The following HEY1 variants were observed in gnomAD, a reference collection of about 807,000 sequenced individuals.
HEY1 encodes the protein hairy/enhancer-of-split related with YRPW motif protein 1.
A neutral mutation model predicts 28.7 loss-of-function variants in HEY1; 9 were observed. That is an observed-to-expected ratio of 0.31 (90% CI 0.19 to 0.55). The LOEUF is 0.55. HEY1 is among the 20% of genes least tolerant of loss of function. The pLI is 0.93. For synonymous variants in HEY1, 213 were observed against 175.6 expected (o/e 1.21, Z -1.68); for missense variants, 385 against 399.4 (o/e 0.96, Z 0.31).
In HEY1 at chr8:79,764,172, G is replaced by A. The variant is rs776225110; in HGVS notation, c.*1016C>T. ...AAATAAATCAAAGAGAAGGAGGCAG[G>A]AAAGCCCTTTTAAATACCTTGGCAA... On this transcript the variant is annotated 3_prime_UTR_variant, in exon 5 of 5. Transcript: ENST00000354724. The A allele has an allele frequency of 1.4e-5, 3 of 211,678 alleles. No homozygotes were observed. Among genetic ancestry groups the A allele is most frequent in the African/African-American group, 2.3e-5 (1 of 44,038 alleles). 13.1% of individuals were successfully genotyped at this position (211,678 alleles called of 1,614,324 possible). A position where few individuals can be genotyped will look rare whatever the true frequency, so the allele number is the denominator to read the frequency against.
rs1807778905 is a variant in HEY1, at chr8:79,764,486, T to C, written c.*702A>G. 1 of 227,264 alleles carries C rather than the reference T, an allele frequency of 4.4e-6. No homozygotes were observed. 14.1% of individuals were successfully genotyped at this position (227,264 alleles called of 1,614,324 possible). On this transcript the variant is annotated 3_prime_UTR_variant, in exon 5 of 5. Coordinates refer to ENST00000354724, the MANE Select transcript of HEY1 (RefSeq NM_012258.4). ...AAATGAGACCTAACCTATCAGCGGC[T>C]CTCTCCTAACTAAATCAGAACTGCC...
In HEY1 at chr8:79,765,445, C is replaced by T; in HGVS notation, c.658G>A (p.Gly220Ser). 2 of 1,612,788 alleles carry T rather than the reference C, an allele frequency of 1.2e-6. No homozygotes were observed. The stretch of plus-strand genomic sequence containing the variant: ...GCAGGCGCCTCCGGATGTGCCGAGC[C>T]CAGCCTGCCCTGGTGGTGCGGTTCC... The part of the protein sequence containing the change: ...PTEPHHQGRL[G>S]SAHPEAPALR... The change falls in exon 5 of 5, where the codon GGC becomes AGC. Residue 220 changes from glycine to serine, a missense_variant. Coordinates refer to ENST00000354724, the MANE Select transcript of HEY1 (RefSeq NM_012258.4).
At chr8:79,766,603 C>T in intron 4 of HEY1, 48 bp downstream of exon 4, 6 of 1,610,856 alleles carry the variant, frequency 3.7e-6, no homozygotes, top group Non-Finnish European at 4.2e-6. Context: ...AGCCGCTGCT[C>T]ACTCTTTGCC....
Sources: gnomAD v4.1 joint callset for allele counts on GRCh38, gnomAD v4.1.1 for gene constraint, MANE v1.5 for transcripts, NCBI Gene and HGNC (gene_info 2026-07-23, HGNC 2026-07-21) for gene names.